CCNL1: variants seen among roughly 807,000 people sequenced by gnomAD.
CCNL1 encodes cyclin-L1.
Under a neutral mutation model 60.6 loss-of-function variants are expected in CCNL1, and 13 were observed. The observed-to-expected ratio is 0.21, with a 90% CI of 0.14 to 0.34. CCNL1 has a LOEUF of 0.34. CCNL1 is among the 10% of genes least tolerant of loss of function. CCNL1 has a pLI of 1.00. For missense variants in CCNL1, 481 were observed against 664.3 expected, an observed-to-expected ratio of 0.72 and a Z score of 3.03; for synonymous variants, 270 against 244.3, an observed-to-expected ratio of 1.10 and a Z score of -0.98.
At chr3:157,144,786 T>C (rs113354928), downstream of CCNL1, among the ~76,000 whole-genome samples, 3,089 of 152,336 alleles carry the variant, frequency 0.02, 113 homozygotes, top group African/African-American at 0.071. Flanking sequence ...TTTTAAAAAA[T>C]CTGGTATGTA....
At chr3:157,143,160 T>C (rs1737697085), downstream of CCNL1, among the ~76,000 whole-genome samples, 1 of 152,146 alleles carries the variant, frequency 6.6e-6, no homozygotes, top group Non-Finnish European at 1.5e-5. Flanking sequence ...CAGCTAGAAG[T>C]CTAGGTTTTT....
intron 10 of CCNL1, chr3:157,148,931 C>T: frequency 3.0e-6 from 1 of 330,266 alleles, no homozygotes; most frequent in South Asian, 6.3e-5. Flanking sequence ...AAAGAAGATT[C>T]ATTGACTGGT....
rs753763554 is a variant in CCNL1 at position 157,159,526 on chromosome 3, G to A, written c.304-47C>T. On this transcript the variant is annotated intron_variant, in intron 1 of 10. Transcript: ENST00000295926. Reference sequence around the variant, plus strand: ...GGAAGCGCAGGGGTCAGGCGGGCCCGCTCCAGGCGCCGCCGCCATTTTGTG... The same window carrying A: ...GGAAGCGCAGGGGTCAGGCGGGCCCACTCCAGGCGCCGCCGCCATTTTGTG... The A allele has an allele frequency of 9.1e-6, 14 of 1,532,104 alleles. No homozygotes were observed. The South Asian group carries it at 1.4e-4, about 15-fold the overall frequency. The allele number at this position is 1,532,104 out of a possible 1,614,324, so 94.9% of individuals were successfully genotyped here. A position where few individuals can be genotyped will look rare whatever the true frequency, so the allele number is the denominator to read the frequency against.
Position 157,148,120 on chromosome 3 carries a change from C to A in CCNL1, c.*121G>T, listed in dbSNP as rs1737872230. ...AAACTGTCCTCAGTGTTCTAGAGAC[C>A]TAGAGGGTTTCAAGAAATCAAATCC... On this transcript the variant is annotated 3_prime_UTR_variant, in exon 11 of 11. Transcript: ENST00000295926. 1.4e-6 allele frequency: 2 copies of A among 1,452,958 alleles called. No homozygotes were observed. The highest frequency in any genetic ancestry group is 1.4e-5 in the African/African-American group (1 of 69,870). 90.0% of individuals were successfully genotyped at this position (1,452,958 alleles called of 1,614,324 possible).
chr3:157,153,006 C>G (rs1489107068), intron 4 of CCNL1, 30 bp downstream of exon 4: 7 of 1,608,386 alleles, frequency 4.4e-6, no homozygotes, highest in Non-Finnish European at 5.9e-6. Flanking sequence ...CTAATACTTA[C>G]GAACCCAATT....
chr3:157,153,433 C>T (rs1267537102), intron 3 of CCNL1: 6 of 322,128 alleles, frequency 1.9e-5, no homozygotes, highest in African/African-American at 4.3e-5. Flanking sequence ...TTCCATTCTG[C>T]TTATATTCTA....
downstream of CCNL1, among the ~76,000 whole-genome samples, chr3:157,145,911 G>A (rs1054288907): frequency 2.0e-5 from 3 of 152,200 alleles, no homozygotes; most frequent in Admixed American, 6.5e-5. Flanking sequence ...GGTTAAAGCC[G>A]ATGCAACATA....
chr3:157,159,519 C>CG lies in CCNL1; in HGVS notation c.304-41dup, dbSNP rs772002090. 3.8e-6 allele frequency: 6 copies of CG among 1,566,194 alleles called. No homozygotes were observed. In the Admixed American group the frequency reaches 5.2e-5, roughly 14 times the overall value. On this transcript the variant is annotated intron_variant, in intron 1 of 10. Coordinates refer to ENST00000295926, the MANE Select transcript of CCNL1 (RefSeq NM_020307.4). ...GGAGAACGGAAGCGCAGGGGTCAGG[C>CG]GGGCCCGCTCCAGGCGCCGCCGCCA...
chr3:157,143,593 G>A (rs533907527), downstream of CCNL1, among the ~76,000 whole-genome samples: 6 of 152,280 alleles, frequency 3.9e-5, no homozygotes, highest in Admixed American at 2.0e-4. Context: ...ATTCTAATGA[G>A]GAAGAGATTA....
At chr3:157,153,617 C>T (rs966148647) in intron 3 of CCNL1, 1 of 153,262 alleles carries the variant, frequency 6.5e-6, no homozygotes, top group Non-Finnish European at 1.5e-5. Context: ...TATACAATCT[C>T]CCACTGCTAT....
Position 157,159,989 on chromosome 3 carries a change from T to C in CCNL1, c.106A>G (p.Thr36Ala). 6.3e-7 allele frequency: 1 copy of C among 1,582,216 alleles called. No homozygotes were observed. ...SSGTTTTTTT[T>A]TGGILIGDRL... is the part of the protein sequence containing the mutation. ...TCGCCGATCAGGATCCCTCCCGTCG[T>C]GGTCGTCGTCGTGGTCGTCGTCCCG... The change falls in exon 1 of 11, where the codon ACG becomes GCG. Residue 36 changes from threonine to alanine, a missense_variant. Coordinates refer to ENST00000295926, the MANE Select transcript of CCNL1 (RefSeq NM_020307.4).
chr3:157,145,392 C>T (rs1339674987), downstream of CCNL1, among the ~76,000 whole-genome samples: 3 of 123,422 alleles, frequency 2.4e-5, no homozygotes, highest in African/African-American at 9.3e-5. Context: ...AACCCGAGAT[C>T]GTGCCACTGC....
Position 157,149,298 on chromosome 3 carries a change from A to C in CCNL1, c.1221T>G (p.Thr407=), listed in dbSNP as rs368199299. 6.2e-7 allele frequency: 1 copy of C among 1,611,434 alleles called. No individual in the cohort carries two copies. The highest frequency in any genetic ancestry group is 8.5e-7 in the Non-Finnish European group (1 of 1,177,572). Residue 407 remains threonine, a synonymous_variant, in exon 10 of 11, where the codon ACT becomes ACG. Coordinates refer to ENST00000295926, the MANE Select transcript of CCNL1 (RefSeq NM_020307.4). ...AAACATTTACTTACTGTCTTCTTGG[A>C]GTATGTGATCTAGAACGTGATCGTG... The part of the protein sequence containing the change: ...SRTRSRSRSH[T]PRRHYNNRRS...
At chr3:157,159,744 G>GGAGGA (rs1215502599) in intron 1 of CCNL1, 48 bp downstream of exon 1, 15 of 1,433,520 alleles carry the variant, frequency 1.0e-5, no homozygotes, top group Middle Eastern at 2.3e-4. Flanking sequence ...CGTAGGGGAC[G>GGAGGA]GAGGAGAGGA....
At chr3:157,146,294 A>G (rs140907205), downstream of CCNL1, among the ~76,000 whole-genome samples, 18 of 152,342 alleles carry the variant, frequency 1.2e-4, no homozygotes, top group East Asian at 3.5e-3. Flanking sequence ...CATCCTGACA[A>G]CTTAGAAAAC....
downstream of CCNL1, chr3:157,146,713 G>C: frequency 3.0e-6 from 1 of 337,456 alleles, no homozygotes; most frequent in Non-Finnish European, 5.8e-6. Context: ...ATCTTGTAGG[G>C]GAAGCAAACT....
At chr3:157,145,130 G>C (rs111227448), downstream of CCNL1, among the ~76,000 whole-genome samples, 19 of 152,222 alleles carry the variant, frequency 1.2e-4, 1 homozygote, top group African/African-American at 4.6e-4. Flanking sequence ...TAACATGAAA[G>C]GACTTGTACT....
At chr3:157,152,005 A>C in intron 5 of CCNL1, 172 bp downstream of exon 5, 1 of 1,424,516 alleles carries the variant, frequency 7.0e-7, no homozygotes, top group Non-Finnish European at 9.2e-7. Context: ...AAGCCAAGAA[A>C]ACAGGAAGCA....
At chr3:157,151,560 C>G in intron 5 of CCNL1, 1 of 985,866 alleles carries the variant, frequency 1.0e-6, no homozygotes, top group Non-Finnish European at 1.2e-6. Flanking sequence ...GCAAGTTTGT[C>G]GTCTCCTTTG....
Sources: gnomAD v4.1 joint callset for allele counts (sites outside exome capture counted in the v4.1 genomes callset) on GRCh38, gnomAD v4.1.1 for gene constraint, MANE v1.5 for transcripts, NCBI Gene and HGNC (gene_info 2026-07-23, HGNC 2026-07-21) for gene names.